FAM120A: variants seen among roughly 807,000 people sequenced by gnomAD.
FAM120A encodes the protein constitutive coactivator of PPAR-gamma-like protein 1.
FAM120A carries 15 observed loss-of-function variants against 109.7 expected under a neutral mutation model. The observed-to-expected ratio is 0.14, with a 90% confidence interval of 0.09 to 0.21. The LOEUF is 0.21. FAM120A is among the 10% of genes least tolerant of loss of function. The probability of loss-of-function intolerance (pLI) is 1.00; values close to 1 mark genes in which losing one functional copy is unlikely to be tolerated. For synonymous variants in FAM120A, 493 were observed against 572.8 expected (o/e 0.86, Z 1.99); for missense variants, 899 against 1,439.3 (o/e 0.62, Z 6.07).
intron 12 of FAM120A, among the ~76,000 whole-genome samples, chr9:93,554,546 G>T (rs748071125): frequency 4.6e-5 from 7 of 152,116 alleles, no homozygotes; most frequent in Non-Finnish European, 1.0e-4. Flanking sequence ...GGTGGCGCAC[G>T]TCTGTAATCC....
At chr9:93,502,316 T>G (rs1859836518) in intron 5 of FAM120A, among the ~76,000 whole-genome samples, 1 of 152,160 alleles carries the variant, frequency 6.6e-6, no homozygotes, top group Non-Finnish European at 1.5e-5. Flanking sequence ...ACCAGAGGTT[T>G]CTAAACTTGG....
chr9:93,460,951 T>C (rs2131214435), intron 1 of FAM120A, among the ~76,000 whole-genome samples: 1 of 152,356 alleles, frequency 6.6e-6, no homozygotes, highest in Non-Finnish European at 1.5e-5. Context: ...AATGGGTGAC[T>C]GCTTCAGGAA....
chr9:93,508,438 A>G (rs767535626), intron 5 of FAM120A, among the ~76,000 whole-genome samples: 1 of 152,176 alleles, frequency 6.6e-6, no homozygotes, highest in Non-Finnish European at 1.5e-5. Flanking sequence ...ACATTCTACC[A>G]GACCAGACTG....
chr9:93,489,750 T>C (rs557632946), intron 3 of FAM120A, among the ~76,000 whole-genome samples: 7 of 152,366 alleles, frequency 4.6e-5, no homozygotes, highest in Non-Finnish European at 8.8e-5. Context: ...TTTGAAAGCA[T>C]GACTATTAGT....
At chr9:93,454,430 AG>A (rs1857455787) in intron 1 of FAM120A, among the ~76,000 whole-genome samples, 1 of 151,624 alleles carries the variant, frequency 6.6e-6, no homozygotes, top group African/African-American at 2.4e-5. Context: ...TGGCGGGTGT[AG>A]GGGGGTGCTT....
chr9:93,491,190 T>C (rs895061396), intron 3 of FAM120A, among the ~76,000 whole-genome samples: 2 of 152,168 alleles, frequency 1.3e-5, no homozygotes, highest in African/African-American at 4.8e-5. Flanking sequence ...GCCAGGCTGG[T>C]GCCCACACCA....
chr9:93,558,489 G>A lies in FAM120A; in HGVS notation c.2669-92G>A, dbSNP rs1449611792. On this transcript the variant is annotated intron_variant, in intron 14 of 17. Transcript: ENST00000277165. ...AGGAGACCCCTCCATGGCAGCTGGA[G>A]GAGGCAGGGGCCACTCTGCCTGAAT... 3 of 1,480,272 alleles carry A rather than the reference G, an allele frequency of 2.0e-6. No individual in the cohort carries two copies. The East Asian group carries it at 6.9e-5, about 34-fold the overall frequency. 91.7% of individuals were successfully genotyped at this position (1,480,272 alleles called of 1,614,324 possible).
intron 11 of FAM120A, 113 bp from the exon 12 acceptor site, chr9:93,550,464 G>T: frequency 1.4e-6 from 1 of 707,030 alleles, no homozygotes; most frequent in Non-Finnish European, 2.5e-6. Context: ...GAAATCACAT[G>T]GGTCTTCTTA....
At chr9:93,538,484 AG>A (rs1411307157) in intron 10 of FAM120A, among the ~76,000 whole-genome samples, 1 of 152,182 alleles carries the variant, frequency 6.6e-6, no homozygotes, top group Non-Finnish European at 1.5e-5. Flanking sequence ...ACCCCAGGAA[AG>A]CTCGTCAAGT....
chr9:93,455,931 GA>G (rs1456319439), intron 1 of FAM120A, among the ~76,000 whole-genome samples: 22 of 152,320 alleles, frequency 1.4e-4, no homozygotes, highest in African/African-American at 5.1e-4. Context: ...AAAGTGCTGG[GA>G]TTACGGGCGT....
chr9:93,486,260 C>T (rs1859048060), intron 3 of FAM120A, among the ~76,000 whole-genome samples: 2 of 152,034 alleles, frequency 1.3e-5, no homozygotes, highest in Non-Finnish European at 2.9e-5. Context: ...AGGCATGAGC[C>T]CCACACCCAG....
chr9:93,543,415 C>T lies in FAM120A; in HGVS notation c.2103C>T (p.Ala701=). The change falls in exon 11 of 18, where the codon GCC becomes GCT. Residue 701 remains alanine, a synonymous_variant. Transcript: ENST00000277165. ...FLACMRSDTP[A]MLNPANVPTH... ...CCTGCATGAGGTCGGACACCCCAGC[C>T]ATGCTCAACCCTGCCAACGTGCCCA... 2 of 1,614,200 alleles carry T rather than the reference C, an allele frequency of 1.2e-6. No individual in the cohort carries two copies. Among genetic ancestry groups the T allele is most frequent in the Non-Finnish European group, 1.7e-6 (2 of 1,180,040 alleles).
chr9:93,540,575 C>T (rs879351373), intron 10 of FAM120A, among the ~76,000 whole-genome samples: 3 of 152,154 alleles, frequency 2.0e-5, no homozygotes, highest in Non-Finnish European at 2.9e-5. Flanking sequence ...AGTCCAGTTT[C>T]GGCTCTCAGG....
At chr9:93,530,642 T>C (rs1411296545) in intron 9 of FAM120A, 1 of 152,246 alleles carries the variant, frequency 6.6e-6, no homozygotes, top group African/African-American at 2.4e-5. Flanking sequence ...ATCTATTATT[T>C]GATATGGGTA....
chr9:93,545,525 TG>T (rs1299860918), intron 11 of FAM120A, among the ~76,000 whole-genome samples: 2 of 152,198 alleles, frequency 1.3e-5, no homozygotes, highest in Non-Finnish European at 1.5e-5. Flanking sequence ...TTTTGGGGCC[TG>T]TCTCACCCTC....
Position 93,452,918 on chromosome 9 carries a change from C to A in FAM120A, c.474+529C>A. The A allele has an allele frequency of 7.0e-7, 1 of 1,426,138 alleles. No homozygotes were observed. Among genetic ancestry groups the A allele is most frequent in the South Asian group, 1.5e-5 (1 of 65,952 alleles). The allele number at this position is 1,426,138 out of a possible 1,614,324, so 88.3% of individuals were successfully genotyped here. The stretch of plus-strand genomic sequence containing the variant: ...GCCAATGTTGTTAGCCCGGTGACAG[C>A]GAGACGTGTCTAAGGGCCAGTGCCC... On this transcript the variant is annotated intron_variant, in intron 1 of 17. Transcript: ENST00000277165. This position sits in a 1 kb window ranked among gnomAD's most constrained non-coding sequence, Gnocchi z 7.0.
rs1859621094 is a variant in FAM120A, at chr9:93,497,455, AC to A, written c.805-15del. 2.5e-6 allele frequency: 4 copies of A among 1,611,922 alleles called. No homozygotes were observed. The highest frequency in any genetic ancestry group is 4.5e-5 in the East Asian group (2 of 44,856). On this transcript the variant is annotated splice_polypyrimidine_tract_variant and intron_variant, in intron 3 of 17. Coordinates refer to ENST00000277165, the MANE Select transcript of FAM120A (RefSeq NM_014612.5). ...TGCTCACCATCCACTGTTGACACTT[AC>A]GTTTGTTTTCTCAGGTCCGGGCCCA...
intron 10 of FAM120A, among the ~76,000 whole-genome samples, chr9:93,534,894 G>A (rs1861458748): frequency 1.3e-5 from 2 of 152,174 alleles, no homozygotes; most frequent in African/African-American, 4.8e-5. Flanking sequence ...GGGAAAGGGA[G>A]TCAACTAGCA....
At chr9:93,516,807 G>A (rs532099433) in intron 7 of FAM120A, among the ~76,000 whole-genome samples, 15 of 150,524 alleles carry the variant, frequency 1.0e-4, no homozygotes, top group African/African-American at 3.5e-4. Context: ...AACACTGTGT[G>A]TCCCTGAATA....
Sources: allele counts gnomAD v4.1 joint callset (sites outside exome capture counted in the v4.1 genomes callset), GRCh38; gene constraint gnomAD v4.1.1; non-coding constraint Gnocchi (gnomAD v3.1); transcripts MANE v1.5; gene names NCBI Gene and HGNC (gene_info 2026-07-23, HGNC 2026-07-21).